Variants in DNAH9 observed in about 807,000 individuals in gnomAD.
DNAH9 encodes dynein axonemal heavy chain 9, also known as DNAH9 variant protein.
In DNAH9, 345 loss-of-function variants were observed where a neutral mutation model predicts 471.6. The observed-to-expected ratio is 0.73, with a 90% CI of 0.67 to 0.80. DNAH9 has a LOEUF of 0.80. DNAH9 is among the 30% of genes least tolerant of loss of function. The pLI is 0.00. For missense variants in DNAH9, 5,407 were observed against 5,609.2 expected, an observed-to-expected ratio of 0.96 and a Z score of 1.15; for synonymous variants, 2,093 against 2,123.6, an observed-to-expected ratio of 0.99 and a Z score of 0.40.
chr17:11,691,866 C>T (rs1223644191), intron 20 of DNAH9, among the ~76,000 whole-genome samples: 2 of 152,014 alleles, frequency 1.3e-5, no homozygotes, highest in Non-Finnish European at 2.9e-5. Context: ...TGTAGTGGTG[C>T]GATCTCGGCT....
In DNAH9 at chr17:11,930,100, C is replaced by T; in HGVS notation, c.12105+7C>T. 6.2e-7 allele frequency: 1 copy of T among 1,610,430 alleles called. No individual in the cohort carries two copies. The highest frequency in any genetic ancestry group is 8.5e-7 in the Non-Finnish European group (1 of 1,177,716). On this transcript the variant is annotated splice_region_variant and intron_variant, in intron 63 of 68. Coordinates refer to ENST00000262442, the MANE Select transcript of DNAH9 (RefSeq NM_001372.4). ...CCTGGACAACTTCACTCAGGTACGGCCCCGGGAGGGAGGCAAAAACAGCAG... is the reference window on the plus strand; with the variant it reads ...CCTGGACAACTTCACTCAGGTACGGTCCCGGGAGGGAGGCAAAAACAGCAG...
At chr17:11,794,617 C>T (rs186618872) in intron 42 of DNAH9, among the ~76,000 whole-genome samples, 15 of 152,284 alleles carry the variant, frequency 9.9e-5, no homozygotes, top group African/African-American at 3.4e-4. Flanking sequence ...TGCTCTCTCA[C>T]CAGTTCTCCC....
At position 11,961,908 on chromosome 17, in the gene DNAH9, T is replaced by G. The variant is rs1976224303; in HGVS notation, c.12885T>G (p.Asn4295Lys). ...CCAGCCACATGGAGAACTTACAGAA[T>G]GCCCTGTACTTCGATATGGTGCCAG... ...TMTSHMENLQNALYFDMVPES... is the reference protein window; with the variant it reads ...TMTSHMENLQKALYFDMVPES... Residue 4295 changes from asparagine (N) to lysine (K), a missense_variant, in exon 68 of 69, where the codon AAT (asparagine) becomes AAG (lysine). Physicochemically the swap from Asn to Lys is moderately conservative, Grantham distance 94 (BLOSUM62 0). Transcript: ENST00000262442. 2 of 1,613,378 alleles carry G rather than the reference T, an allele frequency of 1.2e-6. No individual in the cohort carries two copies. The highest frequency in any genetic ancestry group is 1.7e-6 in the Non-Finnish European group (2 of 1,179,710).
At chr17:11,722,412 G>C (rs1027286363) in intron 27 of DNAH9, among the ~76,000 whole-genome samples, 6 of 152,220 alleles carry the variant, frequency 3.9e-5, no homozygotes, top group Non-Finnish European at 8.8e-5. Flanking sequence ...GCAGGAATAG[G>C]TTTTGGTGAG....
At position 11,680,788 on chromosome 17, in the gene DNAH9, A is replaced by G; in HGVS notation, c.3642A>G (p.Pro1214=). Residue 1214 remains proline (P), a synonymous_variant, in exon 19 of 69, where the codon CCA becomes CCG. Transcript: ENST00000262442. The part of the protein sequence containing the change: ...VAITVKQQVA[P]LQANEVTLLR... The stretch of plus-strand genomic sequence containing the variant: ...TTACTGTGAAGCAGCAGGTGGCCCC[A>G]CTGCAGGCAAATGAAGTGACACTCC... 2 of 1,613,948 alleles carry G rather than the reference A, an allele frequency of 1.2e-6. No homozygotes were observed. The highest frequency in any genetic ancestry group is 1.7e-6 in the Non-Finnish European group (2 of 1,179,874).
chr17:11,598,603 C>G lies in DNAH9; in HGVS notation c.105C>G (p.Ser35Arg). Residue 35 changes from serine to arginine, a missense_variant, in exon 1 of 69, where the codon AGC (serine) becomes AGG (arginine). Transcript: ENST00000262442. ...LRLLGTYVAM[S>R]LRPAAGAWER... The stretch of plus-strand genomic sequence containing the variant: ...TCCTGGGGACCTACGTGGCCATGAG[C>G]CTGCGGCCGGCTGCGGGCGCCTGGG... 3.0e-6 allele frequency: 4 copies of G among 1,343,220 alleles called. No individual in the cohort carries two copies. The highest frequency in any genetic ancestry group is 4.1e-5 in the Admixed American group (1 of 24,662). The allele number at this position is 1,343,220 out of a possible 1,614,324, so 83.2% of individuals were successfully genotyped here. A position where few individuals can be genotyped will look rare whatever the true frequency, so the allele number is the denominator to read the frequency against.
intron 36 of DNAH9, among the ~76,000 whole-genome samples, chr17:11,764,898 G>A (rs138696678): frequency 6.0e-4 from 92 of 152,286 alleles, no homozygotes; most frequent in African/African-American, 2.1e-3. Flanking sequence ...CACATCATAT[G>A]CATTAAATAT....
intron 61 of DNAH9, among the ~76,000 whole-genome samples, chr17:11,921,768 T>C (rs1417723659): frequency 6.6e-6 from 1 of 152,208 alleles, no homozygotes; most frequent in African/African-American, 2.4e-5. Context: ...CATTTCTTTC[T>C]TCTCCGCCTC....
chr17:11,676,803 A>G (rs1284997685), intron 17 of DNAH9, among the ~76,000 whole-genome samples: 1 of 151,984 alleles, frequency 6.6e-6, no homozygotes, highest in Admixed American at 6.6e-5. Context: ...GCTAACATTG[A>G]AAGTTATAAA....
rs188581234 is a variant in DNAH9 at position 11,742,212 on chromosome 17, T to C, written c.6010T>C (p.Cys2004Arg). 5 of 1,613,992 alleles carry C rather than the reference T, an allele frequency of 3.1e-6. No homozygotes were observed. Among genetic ancestry groups the C allele is most frequent in the Non-Finnish European group, 4.2e-6 (5 of 1,179,964 alleles). Residue 2004 changes from cysteine to arginine, a missense_variant, in exon 30 of 69, where the codon TGT becomes CGT. Physicochemically the swap from Cys to Arg is radical, Grantham distance 180. This residue lies in a region of DNAH9 where 4,636 missense variants were observed against 4,900.3 expected (regional missense o/e 0.95). Coordinates refer to ENST00000262442, the MANE Select transcript of DNAH9 (RefSeq NM_001372.4). ...GGTGGTTCCAGACTTTGAATTGATC[T>C]GTGAAATCATGCTGGTGGCAGAAGG... is the stretch of plus-strand genomic sequence containing the variant. ...AMVVPDFELI[C>R]EIMLVAEGFI... is the part of the protein sequence containing the mutation.
intron 45 of DNAH9, among the ~76,000 whole-genome samples, chr17:11,815,376 A>C (rs1200308523): frequency 2.0e-5 from 3 of 151,804 alleles, no homozygotes; most frequent in Non-Finnish European, 4.4e-5. Context: ...CCTCACTACC[A>C]CTGGTTTTGC....
chr17:11,915,733 A>G (rs1973930936), intron 61 of DNAH9, among the ~76,000 whole-genome samples: 2 of 152,136 alleles, frequency 1.3e-5, no homozygotes, highest in African/African-American at 4.8e-5. Context: ...CAACCATCCA[A>G]TGCCTACTCA....
intron 14 of DNAH9, among the ~76,000 whole-genome samples, chr17:11,656,703 G>A (rs982492963): frequency 7.9e-5 from 12 of 152,074 alleles, no homozygotes; most frequent in Non-Finnish European, 1.3e-4. Context: ...AATACAGAAC[G>A]TTTGCTATTA....
At chr17:11,701,505 A>C (rs568454199) in intron 24 of DNAH9, among the ~76,000 whole-genome samples, 1 of 152,288 alleles carries the variant, frequency 6.6e-6, no homozygotes, top group African/African-American at 2.4e-5. Flanking sequence ...GAAAATGTCA[A>C]CAGTTCAACT....
chr17:11,915,333 GT>G lies in DNAH9; in HGVS notation c.11750-8480del, dbSNP rs1340908845. Among the ~76,000 whole-genome samples, 11 of 152,196 alleles carry G rather than the reference GT, an allele frequency of 7.2e-5. No homozygotes were observed. In the East Asian group the frequency reaches 1.9e-3, roughly 27 times the overall value. ...AAGGTCAAGAGATCGATACCAACCT[GT>G]CCAACATGCTGAAACCCCATCTCTA... On this transcript the variant is annotated intron_variant, in intron 61 of 68. Transcript: ENST00000262442.
chr17:11,738,765 A>G (rs2075390782), intron 28 of DNAH9, 115 bp from the exon 29 acceptor site: 2 of 859,766 alleles, frequency 2.3e-6, no homozygotes, highest in South Asian at 1.6e-5. Context: ...TTTCAGTGAA[A>G]GGGTCCACAG....
chr17:11,915,140 CT>C (rs1179273188), intron 61 of DNAH9, among the ~76,000 whole-genome samples: 1 of 152,206 alleles, frequency 6.6e-6, no homozygotes, highest in Non-Finnish European at 1.5e-5. Flanking sequence ...CATCTCCACT[CT>C]TCTTCCTCTG....
At chr17:11,656,815 C>T (rs1322517259) in intron 14 of DNAH9, among the ~76,000 whole-genome samples, 2 of 152,126 alleles carry the variant, frequency 1.3e-5, no homozygotes, top group Non-Finnish European at 2.9e-5. Context: ...GTAGATTTGT[C>T]TTTTCCTATA....
chr17:11,665,045 C>A, intron 15 of DNAH9, 77 bp downstream of exon 15: 1 of 1,311,554 alleles, frequency 7.6e-7, no homozygotes, highest in Non-Finnish European at 1.1e-6. Context: ...TATTGAAGAG[C>A]AGCTGAGTGC....
Sources: allele counts gnomAD v4.1 joint callset (sites outside exome capture counted in the v4.1 genomes callset), GRCh38; gene constraint gnomAD v4.1.1; regional missense constraint gnomAD v4.1.1; transcripts MANE v1.5; gene names NCBI Gene and HGNC (gene_info 2026-07-23, HGNC 2026-07-21).